Variants in SAMM50 observed in about 807,000 individuals in gnomAD.
The protein encoded by SAMM50 is sorting and assembly machinery component 50 homolog.
Under a neutral mutation model 66.9 loss-of-function variants are expected in SAMM50, and 47 were observed. The observed-to-expected ratio is 0.70, with a 90% CI of 0.56 to 0.90. The LOEUF (loss-of-function observed/expected upper bound fraction) is 0.90, where lower values mean the gene tolerates loss of function less well. Among genes scored for constraint, SAMM50 ranks in the 40% least tolerant of loss-of-function variants. The probability of loss-of-function intolerance (pLI) is 0.00; values close to 1 mark genes in which losing one functional copy is unlikely to be tolerated. For missense variants in SAMM50, 535 were observed against 595.3 expected, an observed-to-expected ratio of 0.90 and a Z score of 1.05; for synonymous variants, 191 against 214.1, an observed-to-expected ratio of 0.89 and a Z score of 0.94.
At chr22:43,969,705 G>T (rs1024736003) in intron 4 of SAMM50, among the ~76,000 whole-genome samples, 1 of 152,194 alleles carries the variant, frequency 6.6e-6, no homozygotes, top group African/African-American at 2.4e-5. Flanking sequence ...GTGAGGTGGG[G>T]TGAAGAATGT....
intron 14 of SAMM50, among the ~76,000 whole-genome samples, chr22:43,994,560 G>A (rs2035784502): frequency 6.6e-6 from 1 of 152,190 alleles, no homozygotes; most frequent in Non-Finnish European, 1.5e-5. Context: ...CAGAGTCCAA[G>A]TTCGTCAGAA....
At chr22:43,977,152 C>G (rs2050236945) in intron 9 of SAMM50, among the ~76,000 whole-genome samples, 2 of 152,190 alleles carry the variant, frequency 1.3e-5, no homozygotes, top group African/African-American at 2.4e-5. Flanking sequence ...GGGGTCACCC[C>G]TCAATGGCTG....
chr22:43,977,282 T>G (rs184242659), intron 9 of SAMM50, among the ~76,000 whole-genome samples: 146 of 152,298 alleles, frequency 9.6e-4, no homozygotes, highest in Admixed American at 9.2e-3. Context: ...GTTGCCCTCT[T>G]GTTGGAGGCA....
In SAMM50 at chr22:43,983,793, T is replaced by C; in HGVS notation, c.1008-140T>C. 1.6e-6 allele frequency: 1 copy of C among 617,702 alleles called. No individual in the cohort carries two copies. The highest frequency in any genetic ancestry group is 2.9e-6 in the Non-Finnish European group (1 of 346,226). 38.3% of individuals were successfully genotyped at this position (617,702 alleles called of 1,614,324 possible). A position where few individuals can be genotyped will look rare whatever the true frequency, so the allele number is the denominator to read the frequency against. The stretch of plus-strand genomic sequence containing the variant: ...GTAGTGTGCACCCTCTTGGTCTTTC[T>C]CAAAGGTTTTGCCTTGTAAAAATGC... On this transcript the variant is annotated intron_variant, in intron 11 of 14. Coordinates refer to ENST00000350028, the MANE Select transcript of SAMM50 (RefSeq NM_015380.5). The surrounding 1 kb of genome is among the most constrained non-coding windows in gnomAD (Gnocchi z 4.2).
At chr22:43,989,020 A>T in intron 12 of SAMM50, 91 bp from the exon 13 acceptor site, 1 of 1,345,300 alleles carries the variant, frequency 7.4e-7, no homozygotes, top group Non-Finnish European at 1.0e-6. Flanking sequence ...TGTTTACAGG[A>T]CAGAAATCTT....
chr22:43,976,109 C>A lies in SAMM50; in HGVS notation c.703C>A (p.Leu235Met), dbSNP rs752221535. The change falls in exon 8 of 15, where the codon CTG (leucine) becomes ATG (methionine). Residue 235 changes from leucine (L) to methionine (M), a missense_variant. Coordinates refer to ENST00000350028, the MANE Select transcript of SAMM50 (RefSeq NM_015380.5). The part of the protein sequence containing the change: ...TVKWEGVWRE[L>M]GCLSRTASFA... ...CAAGTGGGAAGGCGTATGGCGAGAACTGGGCTGCCTCTCAAGGACGGCGTC... is the reference window on the plus strand; with the variant it reads ...CAAGTGGGAAGGCGTATGGCGAGAAATGGGCTGCCTCTCAAGGACGGCGTC... The A allele has an allele frequency of 1.9e-6, 3 of 1,612,702 alleles. No individual in the cohort carries two copies. The highest frequency in any genetic ancestry group is 1.7e-6 in the Non-Finnish European group (2 of 1,178,848).
At position 43,983,956 on chromosome 22, in the gene SAMM50, G is replaced by C; in HGVS notation, c.1031G>C (p.Ser344Thr). Residue 344 changes from serine (S) to threonine (T), a missense_variant, in exon 12 of 15, where the codon AGC becomes ACC. Transcript: ENST00000350028. This position sits in a 1 kb window ranked among gnomAD's most constrained non-coding sequence, Gnocchi z 4.2. ...ADRFYLGGPTSIRGFSMHSIG... is the reference protein window; with the variant it reads ...ADRFYLGGPTTIRGFSMHSIG... ...AGGTTTTACCTTGGGGGACCCACAA[G>C]CATCCGCGGATTCAGCATGCACAGC... is the stretch of plus-strand genomic sequence containing the variant. 1 of 1,611,586 alleles carries C rather than the reference G, an allele frequency of 6.2e-7. No homozygotes were observed. Among genetic ancestry groups the C allele is most frequent in the South Asian group, 1.1e-5 (1 of 90,432 alleles).
chr22:43,959,507 T>TTTACACAC (rs1555887096), intron 1 of SAMM50, among the ~76,000 whole-genome samples: 1 of 138,586 alleles, frequency 7.2e-6, no homozygotes, highest in Non-Finnish European at 1.5e-5. Flanking sequence ...TTTTTTATAT[T>TTTACACAC]ACACACACAC....
In SAMM50 at chr22:43,976,466, C is replaced by T. The variant is rs544276198; in HGVS notation, c.777+283C>T. On this transcript the variant is annotated intron_variant, in intron 8 of 14. Coordinates refer to ENST00000350028, the MANE Select transcript of SAMM50 (RefSeq NM_015380.5). ...CAGGCTGAGCCGACTGAGGCCAGGG[C>T]GTCGAGCTCCTTGAGAGAACGAACC... is the stretch of plus-strand genomic sequence containing the variant. Among the ~76,000 whole-genome samples, 4 of 152,338 alleles carry T rather than the reference C, an allele frequency of 2.6e-5. No individual in the cohort carries two copies. The East Asian group carries it at 7.7e-4, about 29-fold the overall frequency.
At chr22:43,989,695 A>G (rs1204424712) in intron 13 of SAMM50, among the ~76,000 whole-genome samples, 1 of 152,220 alleles carries the variant, frequency 6.6e-6, no homozygotes, top group Non-Finnish European at 1.5e-5. Flanking sequence ...CTTACTTGAA[A>G]AAAATTCTTA....
intron 10 of SAMM50, among the ~76,000 whole-genome samples, chr22:43,978,361 G>T (rs555705400): frequency 7.0e-6 from 1 of 143,362 alleles, no homozygotes; most frequent in East Asian, 2.2e-4. Context: ...CATGAACTCC[G>T]GAGGCAGAGC....
chr22:43,968,362 G>T (rs1053206903), intron 3 of SAMM50, among the ~76,000 whole-genome samples: 3 of 152,018 alleles, frequency 2.0e-5, no homozygotes, highest in African/African-American at 7.2e-5. Flanking sequence ...AAATGAAAAG[G>T]TGTGCAGACA....
chr22:43,973,313 C>T lies in SAMM50; in HGVS notation c.638C>T (p.Ala213Val), dbSNP rs2050213904. The T allele has an allele frequency of 6.3e-7, 1 of 1,591,078 alleles. No individual in the cohort carries two copies. Among genetic ancestry groups the T allele is most frequent in the African/African-American group, 1.3e-5 (1 of 74,498 alleles). The change falls in exon 7 of 15, where the codon GCT becomes GTT. Residue 213 changes from alanine (A) to valine (V), a missense_variant. Coordinates refer to ENST00000350028, the MANE Select transcript of SAMM50 (RefSeq NM_015380.5). ...SLRETDRGMS[A>V]EYSFPIWKTS... Reference sequence around the variant, plus strand: ...CGGGAGACGGACAGAGGAATGTCAGCTGAGTACAGTGTGAGTAGCATTTCA... The same window carrying T: ...CGGGAGACGGACAGAGGAATGTCAGTTGAGTACAGTGTGAGTAGCATTTCA...
chr22:43,990,314 G>A lies in SAMM50; in HGVS notation c.1272G>A (p.Trp424Ter). ...HIRKLAECIR[W>*]SYGAGIVLRL... ...GTAAGCTGGCTGAGTGCATCCGCTGGTCGTACGGGGCCGGGATTGTCCTCA... is the reference window on the plus strand; with the variant it reads ...GTAAGCTGGCTGAGTGCATCCGCTGATCGTACGGGGCCGGGATTGTCCTCA... Residue 424 changes from tryptophan to a stop codon, truncating the protein, a stop_gained, in exon 14 of 15, where the codon TGG becomes TGA. Coordinates refer to ENST00000350028, the MANE Select transcript of SAMM50 (RefSeq NM_015380.5). LOFTEE classifies it high-confidence loss of function. The A allele has an allele frequency of 1.9e-6, 3 of 1,614,174 alleles. No individual in the cohort carries two copies. Among genetic ancestry groups the A allele is most frequent in the Non-Finnish European group, 2.5e-6 (3 of 1,180,034 alleles).
intron 4 of SAMM50, among the ~76,000 whole-genome samples, chr22:43,969,549 A>G (rs558508352): frequency 6.6e-6 from 1 of 152,206 alleles, no homozygotes; most frequent in East Asian, 1.9e-4. Context: ...CACAGTCGCT[A>G]TGTTGTGCTG....
intron 12 of SAMM50, among the ~76,000 whole-genome samples, chr22:43,985,650 T>G (rs1194016103): frequency 6.6e-6 from 1 of 152,020 alleles, no homozygotes; most frequent in Non-Finnish European, 1.5e-5. Context: ...TGAGTAAAGC[T>G]TCTATCAACA....
chr22:43,966,626 G>A (rs1407402617), intron 3 of SAMM50, among the ~76,000 whole-genome samples: 1 of 152,108 alleles, frequency 6.6e-6, no homozygotes, highest in African/African-American at 2.4e-5. Context: ...AGAGTGCTGG[G>A]ATTACAGGTG....
intron 14 of SAMM50, among the ~76,000 whole-genome samples, chr22:43,994,604 G>A (rs749479135): frequency 8.5e-5 from 13 of 152,154 alleles, no homozygotes; most frequent in Non-Finnish European, 1.6e-4. Flanking sequence ...ACCCTGTGCC[G>A]GCAGTGGCAG....
rs1234666822 is a variant in SAMM50 at position 43,968,791 on chromosome 22, G to A, written c.295G>A (p.Val99Met). Residue 99 changes from valine to methionine, a missense_variant, in exon 4 of 15, where the codon GTG becomes ATG. Physicochemically the swap from Val to Met is conservative, Grantham distance 21. Transcript: ENST00000350028. ...GCTCCGTCTTGGAATTTTTAGACAAGTGGATGTTTTGATTGACACATGTCA... is the reference window on the plus strand; with the variant it reads ...GCTCCGTCTTGGAATTTTTAGACAAATGGATGTTTTGATTGACACATGTCA... ...KLLRLGIFRQVDVLIDTCQGD... is the reference protein window; with the variant it reads ...KLLRLGIFRQMDVLIDTCQGD... The A allele has an allele frequency of 6.2e-7, 1 of 1,612,724 alleles. No individual in the cohort carries two copies. Among genetic ancestry groups the A allele is most frequent in the Admixed American group, 1.7e-5 (1 of 60,026 alleles).
Sources: allele counts gnomAD v4.1 joint callset (sites outside exome capture counted in the v4.1 genomes callset), GRCh38; gene constraint gnomAD v4.1.1; non-coding constraint Gnocchi (gnomAD v3.1); transcripts MANE v1.5; gene names NCBI Gene and HGNC (gene_info 2026-07-23, HGNC 2026-07-21).